The following IL3RA variants were observed in gnomAD, a reference collection of about 807,000 sequenced individuals.
IL3RA encodes the protein interleukin-3 receptor subunit alpha.
In IL3RA, 73 loss-of-function variants were observed where a neutral mutation model predicts 52.3. The observed-to-expected ratio is 1.40, with a 90% confidence interval of 1.16 to 1.70. IL3RA has a LOEUF of 1.70. IL3RA is among the 40% of genes most tolerant of loss of function. The pLI is 0.00. For missense variants in IL3RA, 664 were observed against 504.4 expected (o/e 1.32, Z -3.03); for synonymous variants, 260 against 194.0 (o/e 1.34, Z -2.83).
chrX:1,350,093 C>G (rs2086016046), intron 4 of IL3RA, among the ~76,000 whole-genome samples: 1 of 152,112 alleles, frequency 6.6e-6, no homozygotes, highest in South Asian at 2.1e-4. Flanking sequence ...AAATAGAAAA[C>G]AGTCTCCTGG....
At position 1,345,446 on chromosome X, in the gene IL3RA, T is replaced by A. The variant is rs2085699652; in HGVS notation, c.183+12T>A. 2.1e-6 allele frequency: 3 copies of A among 1,444,520 alleles called. No homozygotes were observed. Among genetic ancestry groups the A allele is most frequent in the Non-Finnish European group, 1.9e-6 (2 of 1,061,832 alleles). The allele number at this position is 1,444,520 out of a possible 1,614,324, so 89.5% of individuals were successfully genotyped here. A position where few individuals can be genotyped will look rare whatever the true frequency, so the allele number is the denominator to read the frequency against. Reference sequence around the variant, plus strand: ...ACTATTCTATGCCGGTAAATCATACTCTCTATTGTTTTTTTATTTTTATTT... The same window carrying A: ...ACTATTCTATGCCGGTAAATCATACACTCTATTGTTTTTTTATTTTTATTT... On this transcript the variant is annotated intron_variant, in intron 3 of 11. Coordinates refer to ENST00000331035, the MANE Select transcript of IL3RA (RefSeq NM_002183.4).
intron 1 of IL3RA, among the ~76,000 whole-genome samples, chrX:1,341,278 C>T (rs1371287547): frequency 1.4e-5 from 2 of 146,938 alleles, no homozygotes; most frequent in East Asian, 2.0e-4. Flanking sequence ...CCAGCCTGGA[C>T]GACAAGGGCG....
chrX:1,341,530 AGAAGCACACTCTGATGTGCATG>A (rs1569519020), intron 1 of IL3RA, among the ~76,000 whole-genome samples, 176 bp from the exon 2 acceptor site: 1 of 91,400 alleles, frequency 1.1e-5, no homozygotes, highest in East Asian at 3.1e-4. Context: ...GCACACATGT[AGAAGCACACTCTGATGTGCATG>A]CATGTGCAAA....
rs1236132321 is a variant in IL3RA at position 1,362,176 on chromosome X, G to T, written c.760-2962G>T. Among the ~76,000 whole-genome samples, 3 of 131,370 alleles carry T rather than the reference G, an allele frequency of 2.3e-5. No individual in the cohort carries two copies. In the East Asian group the frequency reaches 6.5e-4, roughly 29 times the overall value. 86.2% of individuals were successfully genotyped at this position (131,370 alleles called of 152,430 possible). Reference sequence around the variant, plus strand: ...TGTTTTTCTCTTTCCCTCTCTCTTTGTATCTATGTCTTTCTGTCTCTCCGT... The same window carrying T: ...TGTTTTTCTCTTTCCCTCTCTCTTTTTATCTATGTCTTTCTGTCTCTCCGT... On this transcript the variant is annotated intron_variant, in intron 8 of 11. Coordinates refer to ENST00000331035, the MANE Select transcript of IL3RA (RefSeq NM_002183.4).
rs1242129003 is a variant in IL3RA at position 1,345,389 on chromosome X, T to A, written c.138T>A (p.Asn46Lys). 3.1e-6 allele frequency: 5 copies of A among 1,610,752 alleles called. No individual in the cohort carries two copies. The South Asian group carries it at 5.5e-5, about 18-fold the overall frequency. Residue 46 changes from asparagine (N) to lysine (K), a missense_variant, in exon 3 of 12, where the codon AAT becomes AAA. Coordinates refer to ENST00000331035, the MANE Select transcript of IL3RA (RefSeq NM_002183.4). The stretch of plus-strand genomic sequence containing the variant: ...AGTTGACCTGGGACCTTAACAGAAA[T>A]GTGACCGATATCGAGTGTGTTAAAG... ...AQQLTWDLNR[N>K]VTDIECVKDA...
chrX:1,356,925 T>A (rs185090829), intron 7 of IL3RA, among the ~76,000 whole-genome samples: 2 of 152,276 alleles, frequency 1.3e-5, no homozygotes, highest in Non-Finnish European at 2.9e-5. Flanking sequence ...ATATTTTTGA[T>A]CCACAGTTCG....
At position 1,382,631 on chromosome X, in the gene IL3RA, G is replaced by A. The variant is rs2089233987; in HGVS notation, c.*166G>A. The A allele has an allele frequency of 1.5e-6, 1 of 662,896 alleles. No homozygotes were observed. Among genetic ancestry groups the A allele is most frequent in the Non-Finnish European group, 2.7e-6 (1 of 364,428 alleles). 41.1% of individuals were successfully genotyped at this position (662,896 alleles called of 1,614,324 possible). A position where few individuals can be genotyped will look rare whatever the true frequency, so the allele number is the denominator to read the frequency against. On this transcript the variant is annotated 3_prime_UTR_variant, in exon 12 of 12. Coordinates refer to ENST00000331035, the MANE Select transcript of IL3RA (RefSeq NM_002183.4). ...TAATTTCGTCCGAAGCTGCCAGGAA[G>A]AAGAACAGAACTTTGTGTGTTTATT...
chrX:1,354,498 G>C (rs1457702554), intron 6 of IL3RA, among the ~76,000 whole-genome samples: 1 of 148,016 alleles, frequency 6.8e-6, no homozygotes, highest in East Asian at 2.0e-4. Flanking sequence ...AGCAGGGGGA[G>C]GAGGAGGAGA....
In IL3RA at chrX:1,361,798, T is replaced by C. The variant is rs186309480; in HGVS notation, c.759+2911T>C. Reference sequence around the variant, plus strand: ...AAAAATGAGAGCCGAGAGAAAGGTTTCCCTTATTAAACCATTAGATCTCGT... The same window carrying C: ...AAAAATGAGAGCCGAGAGAAAGGTTCCCCTTATTAAACCATTAGATCTCGT... On this transcript the variant is annotated intron_variant, in intron 8 of 11. Coordinates refer to ENST00000331035, the MANE Select transcript of IL3RA (RefSeq NM_002183.4). 7.0e-3 allele frequency among the ~76,000 whole-genome samples: 1,042 copies of C among 149,074 alleles called. 15 individuals are homozygous for C. Among genetic ancestry groups the C allele is most frequent in the African/African-American group, 0.024 (961 of 40,480 alleles).
At chrX:1,360,362 C>T (rs2087151659) in intron 8 of IL3RA, among the ~76,000 whole-genome samples, 1 of 150,750 alleles carries the variant, frequency 6.6e-6, no homozygotes, top group South Asian at 2.1e-4. Context: ...CTTTATCTCT[C>T]TCTCTCTCTC....
chrX:1,341,524 A>C (rs746485911), intron 1 of IL3RA, among the ~76,000 whole-genome samples: 82 of 132,066 alleles, frequency 6.2e-4, no homozygotes, highest in Admixed American at 2.7e-3. Flanking sequence ...ATTCGTGCAC[A>C]CATGTAGAAG....
chrX:1,344,840 C>CAAAAA (rs1252226419), intron 2 of IL3RA, among the ~76,000 whole-genome samples: 3 of 149,664 alleles, frequency 2.0e-5, no homozygotes, highest in East Asian at 2.0e-4. Flanking sequence ...ACTCCACGGG[C>CAAAAA]AAAAAAACCA....
chrX:1,340,671 T>G (rs1261614698), intron 1 of IL3RA, among the ~76,000 whole-genome samples: 1 of 152,148 alleles, frequency 6.6e-6, no homozygotes, highest in Non-Finnish European at 1.5e-5. Context: ...ACAAAGACTG[T>G]GTGTACCTGC....
rs1441175087 is a variant in IL3RA, at chrX:1,352,172, G to A, written c.371G>A (p.Trp124Ter). 1 of 1,613,836 alleles carries A rather than the reference G, an allele frequency of 6.2e-7. No homozygotes were observed. Among genetic ancestry groups the A allele is most frequent in the Non-Finnish European group, 8.5e-7 (1 of 1,179,838 alleles). Reference sequence around the variant, plus strand: ...GACGTGGATTTCTTGAGCTGCAGCTGGGCGGTAGGCCCGGGGGCCCCCGCG... The same window carrying A: ...GACGTGGATTTCTTGAGCTGCAGCTAGGCGGTAGGCCCGGGGGCCCCCGCG... Reference protein sequence around the residue: ...IHDVDFLSCSWAVGPGAPADV... With the variant: ...IHDVDFLSCS The change falls in exon 5 of 12, where the codon TGG becomes TAG. Residue 124 changes from tryptophan to a stop codon, truncating the protein, a stop_gained. Transcript: ENST00000331035. LOFTEE classifies it high-confidence loss of function.
intron 8 of IL3RA, 49 bp from the exon 9 acceptor site, chrX:1,365,089 A>G (rs1344891917): frequency 7.8e-6 from 11 of 1,413,964 alleles, no homozygotes; most frequent in Non-Finnish European, 1.1e-5. Context: ...GGTGAGAGTC[A>G]TGAGCCACCA....
chrX:1,356,359 G>GCC, intron 7 of IL3RA, 23 bp downstream of exon 7: 3 of 1,192,430 alleles, frequency 2.5e-6, no homozygotes, highest in Non-Finnish European at 3.3e-6. Flanking sequence ...CCCGCCCCCA[G>GCC]CCCCCCCACC....
chrX:1,341,750 C>T lies in IL3RA; in HGVS notation c.-16C>T, dbSNP rs190671997. On this transcript the variant is annotated 5_prime_UTR_variant, in exon 2 of 12. Transcript: ENST00000331035. ...CAGCAGGCACCTCTGTCCTGCGTTC[C>T]GGAGCTGCGTTCCCGATGGTCCTCC... 1.0e-4 allele frequency: 163 copies of T among 1,613,716 alleles called. No homozygotes were observed. The African/African-American group carries it at 1.3e-3, about 13-fold the overall frequency.
At chrX:1,348,286 G>T (rs1436551472) in intron 3 of IL3RA, 145 bp from the exon 4 acceptor site, 3 of 682,296 alleles carry the variant, frequency 4.4e-6, no homozygotes, top group Non-Finnish European at 8.1e-6. Flanking sequence ...CCGGGAGGGA[G>T]AGGCTGCAGT....
intron 2 of IL3RA, among the ~76,000 whole-genome samples, chrX:1,342,984 A>G (rs1244203704): frequency 6.6e-6 from 1 of 151,666 alleles, no homozygotes; most frequent in Non-Finnish European, 1.5e-5. Context: ...CTGAGGCAGG[A>G]GAGTCGCTTG....
Sources: gnomAD v4.1 joint callset for allele counts (sites outside exome capture counted in the v4.1 genomes callset) on GRCh38, gnomAD v4.1.1 for gene constraint, MANE v1.5 for transcripts, NCBI Gene and HGNC (gene_info 2026-07-23, HGNC 2026-07-21) for gene names.